The following PGC variants were observed in gnomAD, a reference collection of about 807,000 sequenced individuals.
The protein encoded by PGC is progastricsin, also known as gastricsin.
In PGC, 31 loss-of-function variants were observed where a neutral mutation model predicts 45.9. The ratio of observed to expected loss-of-function variants is 0.67; its 90% CI spans 0.51 to 0.91. The LOEUF (loss-of-function observed/expected upper bound fraction) is 0.91, where lower values mean the gene tolerates loss of function less well. PGC is among the 40% of genes least tolerant of loss of function. The pLI is 0.00. For synonymous variants in PGC, 192 were observed against 201.8 expected (o/e 0.95, Z 0.41); for missense variants, 477 against 493.2 (o/e 0.97, Z 0.31).
chr6:41,743,353 G>T lies in PGC; in HGVS notation c.365C>A (p.Thr122Asn). 6.2e-7 allele frequency: 1 copy of T among 1,614,044 alleles called. No homozygotes were observed. The highest frequency in any genetic ancestry group is 1.7e-5 in the Admixed American group (1 of 60,024). ...HSRFNPSESS[T>N]YSTNGQTFSL... ...GAAGGTCTGCCCATTGGTGGAGTAGGTGGACGACTCGCTGGGGTTGAAGCG... is the reference window on the plus strand; with the variant it reads ...GAAGGTCTGCCCATTGGTGGAGTAGTTGGACGACTCGCTGGGGTTGAAGCG... Residue 122 changes from threonine to asparagine, a missense_variant, in exon 4 of 9, where the codon ACC (threonine) becomes AAC (asparagine). Thr to Asn is a moderately conservative substitution (Grantham distance 65). Coordinates refer to ENST00000373025, the MANE Select transcript of PGC (RefSeq NM_002630.4).
chr6:41,738,250 GCATATATATATATGCACA>G (rs1561880052), intron 7 of PGC, among the ~76,000 whole-genome samples: 29 of 9,950 alleles, frequency 2.9e-3, no homozygotes, highest in African/African-American at 5.6e-3. Context: ...ATATATATAT[GCATATATATATATGCACA>G]CACACACACA....
intron 4 of PGC, among the ~76,000 whole-genome samples, chr6:41,742,855 A>G (rs958267278): frequency 6.6e-6 from 1 of 152,026 alleles, no homozygotes; most frequent in Admixed American, 6.6e-5. Flanking sequence ...CTATCTCTTG[A>G]CCTCATGATC....
In PGC at chr6:41,740,563, C is replaced by T. The variant is rs375050676; in HGVS notation, c.695G>A (p.Ser232Asn). ...GTAGATCTGCCCCGTGTACAGGCTG[C>T]TATCCACACCCCCAAAGACAACCGC... is the stretch of plus-strand genomic sequence containing the variant. ...GGAVVFGGVD[S>N]SLYTGQIYWA... The change falls in exon 6 of 9, where the codon AGC (serine) becomes AAC (asparagine). Residue 232 changes from serine to asparagine, a missense_variant. Coordinates refer to ENST00000373025, the MANE Select transcript of PGC (RefSeq NM_002630.4). 1 of 1,608,710 alleles carries T rather than the reference C, an allele frequency of 6.2e-7. No homozygotes were observed. Among genetic ancestry groups the T allele is most frequent in the Admixed American group, 1.7e-5 (1 of 59,450 alleles).
In PGC at chr6:41,736,834, C is replaced by A; in HGVS notation, c.*18G>T. The A allele has an allele frequency of 6.2e-7, 1 of 1,613,720 alleles. No individual in the cohort carries two copies. The highest frequency in any genetic ancestry group is 1.1e-5 in the South Asian group (1 of 91,064). On this transcript the variant is annotated 3_prime_UTR_variant, in exon 9 of 9. Transcript: ENST00000373025. The stretch of plus-strand genomic sequence containing the variant: ...GGGTCAAGAGGAAGAGGGGAGCCCA[C>A]GTGTCGAGGCAGCAAGTCTAGGCGG...
chr6:41,737,917 G>C (rs1167318011), intron 7 of PGC, 89 bp from the exon 8 acceptor site: 1 of 775,398 alleles, frequency 1.3e-6, no homozygotes, highest in East Asian at 2.6e-5. Flanking sequence ...TCCCAGGCCT[G>C]AGCTCCGGGC....
intron 7 of PGC, among the ~76,000 whole-genome samples, chr6:41,738,521 A>C (rs1292809504): frequency 6.6e-6 from 1 of 151,904 alleles, no homozygotes; most frequent in Non-Finnish European, 1.5e-5. Flanking sequence ...CCAGCTACTC[A>C]GGAGGCTGAG....
intron 5 of PGC, chr6:41,740,938 T>G: frequency 6.7e-7 from 1 of 1,494,672 alleles, no homozygotes; most frequent in Non-Finnish European, 8.9e-7. Context: ...TCCCTTAGAC[T>G]GGGGCTTTCT....
At chr6:41,739,164 C>T (rs1413364790) in intron 7 of PGC, among the ~76,000 whole-genome samples, 2 of 152,190 alleles carry the variant, frequency 1.3e-5, no homozygotes, top group African/African-American at 4.8e-5. Flanking sequence ...GCCCTGGTTG[C>T]TCACATACTC....
At chr6:41,742,185 G>T in intron 5 of PGC, 105 bp downstream of exon 5, 1 of 1,029,142 alleles carries the variant, frequency 9.7e-7, no homozygotes, top group Admixed American at 1.8e-5. Context: ...CCAGATGCCC[G>T]CTGGGATGCC....
At position 41,740,550 on chromosome 6, in the gene PGC, C is replaced by T. The variant is rs184323719; in HGVS notation, c.708G>A (p.Thr236=). 4.8e-5 allele frequency: 77 copies of T among 1,611,084 alleles called. No individual in the cohort carries two copies. The African/African-American group carries it at 4.9e-4, about 10-fold the overall frequency. ...VFGGVDSSLY[T]GQIYWAPVTQ... ...TGACAGGCGCCCAGTAGATCTGCCC[C>T]GTGTACAGGCTGCTATCCACACCCC... Residue 236 remains threonine (T), a synonymous_variant, in exon 6 of 9, where the codon ACG becomes ACA. Coordinates refer to ENST00000373025, the MANE Select transcript of PGC (RefSeq NM_002630.4).
At chr6:41,743,144 C>G in intron 4 of PGC, 127 bp downstream of exon 4, 1 of 726,704 alleles carries the variant, frequency 1.4e-6, no homozygotes, top group Non-Finnish European at 2.5e-6. Context: ...ATGGACCTGT[C>G]TTGTCCTGCC....
chr6:41,742,616 G>A (rs1460522931), intron 4 of PGC, 127 bp from the exon 5 acceptor site: 4 of 711,308 alleles, frequency 5.6e-6, no homozygotes, highest in African/African-American at 5.3e-5. Flanking sequence ...TTTTGTTTTG[G>A]TTTTCTTGTT....
intron 4 of PGC, 104 bp downstream of exon 4, chr6:41,743,167 A>G (rs1771863186): frequency 5.2e-6 from 4 of 774,516 alleles, no homozygotes; most frequent in African/African-American, 3.4e-5. Context: ...CCTGTCCTGC[A>G]CACCAGAACA....
At chr6:41,738,153 TATACATATATATGCATATATATATAC>T (rs1771729845) in intron 7 of PGC, among the ~76,000 whole-genome samples, 1 of 42,182 alleles carries the variant, frequency 2.4e-5, no homozygotes, top group African/African-American at 7.4e-5. Context: ...TGCATATATA[TATACATATATATGCATATATATATAC>T]ATATATATAT....
rs1167887059 is a variant in PGC, at chr6:41,744,483, G to T, written c.242C>A (p.Thr81Asn). The stretch of plus-strand genomic sequence containing the variant: ...AAGGACCAGGAAGTTCTGGGGTGGA[G>T]TCCCGATGCTGATCTCACCAAAGTA... ...AAYFGEISIG[T>N]PPQNFLVLFD... The change falls in exon 3 of 9, where the codon ACT becomes AAT. Residue 81 changes from threonine to asparagine, a missense_variant. Thr to Asn is a moderately conservative substitution (Grantham distance 65). Coordinates refer to ENST00000373025, the MANE Select transcript of PGC (RefSeq NM_002630.4). This position sits in a 1 kb window ranked among gnomAD's most constrained non-coding sequence, Gnocchi z 4.4. 6.2e-7 allele frequency: 1 copy of T among 1,613,994 alleles called. No homozygotes were observed. The highest frequency in any genetic ancestry group is 1.1e-5 in the South Asian group (1 of 91,082).
Position 41,742,423 on chromosome 6 carries a change from C to T in PGC, c.514G>A (p.Val172Ile), listed in dbSNP as rs551237165. The T allele has an allele frequency of 5.0e-6, 8 of 1,614,116 alleles. No homozygotes were observed. In the African/African-American group the frequency reaches 5.3e-5, roughly 11 times the overall value. The change falls in exon 5 of 9, where the codon GTC becomes ATC. Residue 172 changes from valine to isoleucine, a missense_variant. Physicochemically the swap from Val to Ile is conservative, Grantham distance 29 (BLOSUM62 3). Coordinates refer to ENST00000373025, the MANE Select transcript of PGC (RefSeq NM_002630.4). ...ATGATGCCATCAAACTGCGCATAGA[C>T]GAAGTTGGTACCAGGCTCATTCTCA... The part of the protein sequence containing the change: ...LSENEPGTNF[V>I]YAQFDGIMGL...
At chr6:41,739,994 C>A (rs927246121) in intron 6 of PGC, 48 bp from the exon 7 acceptor site, 8 of 1,571,878 alleles carry the variant, frequency 5.1e-6, no homozygotes, top group Non-Finnish European at 6.9e-6. Context: ...CAGTTCAGGG[C>A]AGCTGGGGCG....
rs1192691040 is a variant in PGC at position 41,743,336 on chromosome 6, G to A, written c.382C>T (p.Gln128Ter). 3.1e-6 allele frequency: 5 copies of A among 1,614,104 alleles called. No individual in the cohort carries two copies. The South Asian group carries it at 3.3e-5, about 11-fold the overall frequency. ...SESSTYSTNG[Q>*]TFSLQYGSGS... ...CTGCCATACTGCAGGGAGAAGGTCTGCCCATTGGTGGAGTAGGTGGACGAC... is the reference window on the plus strand; with the variant it reads ...CTGCCATACTGCAGGGAGAAGGTCTACCCATTGGTGGAGTAGGTGGACGAC... The change falls in exon 4 of 9, where the codon CAG (glutamine) becomes TAG (stop). Residue 128 changes from glutamine to a stop codon, truncating the protein, a stop_gained. Transcript: ENST00000373025. LOFTEE classifies it high-confidence loss of function.
chr6:41,743,571 G>C (rs1364135159), intron 3 of PGC, among the ~76,000 whole-genome samples, 182 bp from the exon 4 acceptor site: 1 of 152,180 alleles, frequency 6.6e-6, no homozygotes, highest in Non-Finnish European at 1.5e-5. Context: ...GGCCAGCCTT[G>C]TCCCCAAAGC....
Sources: allele counts gnomAD v4.1 joint callset (sites outside exome capture counted in the v4.1 genomes callset), GRCh38; gene constraint gnomAD v4.1.1; non-coding constraint Gnocchi (gnomAD v3.1); transcripts MANE v1.5; gene names NCBI Gene and HGNC (gene_info 2026-07-23, HGNC 2026-07-21).